Variants in USP13 observed in about 807,000 individuals in gnomAD.
USP13 encodes the protein ubiquitin carboxyl-terminal hydrolase 13.
USP13 carries 68 observed loss-of-function variants against 107.8 expected under a neutral mutation model. That is an observed-to-expected ratio of 0.63 (90% confidence interval 0.52 to 0.77). The LOEUF (loss-of-function observed/expected upper bound fraction) is 0.77. Ranked by LOEUF, USP13 falls within the 30% of genes least tolerant of loss-of-function variation. The probability of loss-of-function intolerance (pLI) is 0.00; values close to 1 mark genes in which losing one functional copy is unlikely to be tolerated. For missense variants in USP13, 945 were observed against 1,093.3 expected (o/e 0.86, Z 1.91); for synonymous variants, 377 against 389.5 (o/e 0.97, Z 0.38).
At chr3:179,656,751 A>G (rs995018573) in intron 1 of USP13, among the ~76,000 whole-genome samples, 2 of 152,112 alleles carry the variant, frequency 1.3e-5, no homozygotes, top group Non-Finnish European at 2.9e-5. Flanking sequence ...CCCCATAAGC[A>G]TTCCTGTCTA....
At chr3:179,755,084 G>A (rs1714742923) in intron 15 of USP13, among the ~76,000 whole-genome samples, 1 of 151,564 alleles carries the variant, frequency 6.6e-6, no homozygotes, top group Non-Finnish European at 1.5e-5. Flanking sequence ...GAAATGGACA[G>A]TTTTTTTTTG....
At chr3:179,771,325 C>G (rs111493853) in intron 19 of USP13, among the ~76,000 whole-genome samples, 8 of 152,312 alleles carry the variant, frequency 5.3e-5, no homozygotes, top group African/African-American at 1.9e-4. Flanking sequence ...CTGTCCTACT[C>G]CAAGTCACTG....
chr3:179,763,485 T>G (rs1376211146), intron 17 of USP13, among the ~76,000 whole-genome samples: 1 of 152,234 alleles, frequency 6.6e-6, no homozygotes, highest in East Asian at 1.9e-4. Flanking sequence ...CTTTCCCCAC[T>G]GAATGGTCTT....
At chr3:179,709,868 T>C (rs966152754) in intron 6 of USP13, among the ~76,000 whole-genome samples, 2 of 152,218 alleles carry the variant, frequency 1.3e-5, no homozygotes, top group African/African-American at 4.8e-5. Context: ...TTCTCTTTTT[T>C]CTCTGTTATT....
rs373170651 is a variant in USP13, at chr3:179,764,014, C to T, written c.2105C>T (p.Pro702Leu). The T allele has an allele frequency of 1.1e-5, 17 of 1,612,002 alleles. No individual in the cohort carries two copies. Among genetic ancestry groups the T allele is most frequent in the African/African-American group, 5.4e-5 (4 of 74,580 alleles). Reference sequence around the variant, plus strand: ...TTATTTTTCTCAGATTTTGCTGAGCCGCTGACCATGCCTGGTTATGGAGGG... The same window carrying T: ...TTATTTTTCTCAGATTTTGCTGAGCTGCTGACCATGCCTGGTTATGGAGGG... ...VHMEEPDFAE[P>L]LTMPGYGGAA... Residue 702 changes from proline to leucine, a missense_variant, in exon 18 of 21, where the codon CCG becomes CTG. Physicochemically the swap from Pro to Leu is moderately conservative, Grantham distance 98 (BLOSUM62 -3). Transcript: ENST00000263966.
chr3:179,784,363 G>A lies in USP13; in HGVS notation c.*222G>A. ...TATATTGTAGATAGTTTTTATAAAT[G>A]TTCAAAAAGATGATGATATTTAAAA... On this transcript the variant is annotated 3_prime_UTR_variant, in exon 21 of 21. Coordinates refer to ENST00000263966, the MANE Select transcript of USP13 (RefSeq NM_003940.3). 2 of 401,666 alleles carry A rather than the reference G, an allele frequency of 5.0e-6. No individual in the cohort carries two copies. Among genetic ancestry groups the A allele is most frequent in the East Asian group, 7.8e-5 (2 of 25,746 alleles). 24.9% of individuals were successfully genotyped at this position (401,666 alleles called of 1,614,324 possible). A position where few individuals can be genotyped will look rare whatever the true frequency, so the allele number is the denominator to read the frequency against.
chr3:179,659,592 C>G (rs949897528), intron 1 of USP13, among the ~76,000 whole-genome samples: 1 of 152,086 alleles, frequency 6.6e-6, no homozygotes, highest in African/African-American at 2.4e-5. Context: ...TATTATTATA[C>G]CTACATGAAC....
At chr3:179,756,971 C>T (rs1714827430) in intron 15 of USP13, 81 bp from the exon 16 acceptor site, 5 of 1,507,028 alleles carry the variant, frequency 3.3e-6, no homozygotes, top group Admixed American at 1.7e-5. Context: ...TTGGAAATGC[C>T]CTGGATCAAT....
Position 179,781,749 on chromosome 3 carries a change from A to G in USP13, c.2424A>G (p.Leu808=), listed in dbSNP as rs1435625911. 13 of 1,613,962 alleles carry G rather than the reference A, an allele frequency of 8.1e-6. No homozygotes were observed. The highest frequency in any genetic ancestry group is 2.2e-5 in the East Asian group (1 of 44,870). Residue 808 remains leucine (L), a synonymous_variant, in exon 20 of 21, where the codon CTA becomes CTG. Coordinates refer to ENST00000263966, the MANE Select transcript of USP13 (RefSeq NM_003940.3). Reference sequence around the variant, plus strand: ...TTTCCTCTTTCACAGCATATGAGCTATTTGCATTCATCAGTCACATGGGAA... The same window carrying G: ...TTTCCTCTTTCACAGCATATGAGCTGTTTGCATTCATCAGTCACATGGGAA... The part of the protein sequence containing the change: ...RVKDGSGTYE[L]FAFISHMGTS...
chr3:179,696,656 GC>G (rs1712338969), intron 3 of USP13, among the ~76,000 whole-genome samples: 1 of 152,080 alleles, frequency 6.6e-6, no homozygotes, highest in African/African-American at 2.4e-5. Context: ...GCTTAGGGTT[GC>G]TGTGAAAAAA....
chr3:179,767,121 A>G (rs919626001), intron 19 of USP13, among the ~76,000 whole-genome samples: 1 of 152,170 alleles, frequency 6.6e-6, no homozygotes, highest in African/African-American at 2.4e-5. Flanking sequence ...CACAGATTCC[A>G]TTTCTCTGGA....
intron 11 of USP13, among the ~76,000 whole-genome samples, chr3:179,741,089 T>G (rs1466632585): frequency 2.0e-5 from 3 of 152,146 alleles, no homozygotes; most frequent in East Asian, 1.9e-4. Context: ...AGCCTTTTTT[T>G]TTTTTCCTGG....
At position 179,771,474 on chromosome 3, in the gene USP13, T is replaced by A. The variant is rs1167173323; in HGVS notation, c.2413+5626T>A. On this transcript the variant is annotated intron_variant, in intron 19 of 20. Transcript: ENST00000263966. The stretch of plus-strand genomic sequence containing the variant: ...CTGGTTCAAGTGTGGTTCGGACTAA[T>A]AGAATCACCTGAGAACTTGTTAGGA... 2.0e-5 allele frequency among the ~76,000 whole-genome samples: 3 copies of A among 152,222 alleles called. No individual in the cohort carries two copies. In the East Asian group the frequency reaches 5.8e-4, roughly 29 times the overall value.
At position 179,721,652 on chromosome 3, in the gene USP13, A is replaced by G. The variant is rs529130621; in HGVS notation, c.1088+63A>G. ...TCCCTGCCCCATCTAGGTCCAGTCC[A>G]CTCAGTGTGCGCTGCGAAGCCCATC... On this transcript the variant is annotated intron_variant, in intron 8 of 20. Coordinates refer to ENST00000263966, the MANE Select transcript of USP13 (RefSeq NM_003940.3). This position sits in a 1 kb window ranked among gnomAD's most constrained non-coding sequence, Gnocchi z 4.3. 2.3e-5 allele frequency: 36 copies of G among 1,546,622 alleles called. 1 individual carries two copies. In the South Asian group the frequency reaches 4.2e-4, roughly 18 times the overall value.
chr3:179,715,369 T>TTC (rs1392035933), intron 6 of USP13, among the ~76,000 whole-genome samples: 10 of 147,710 alleles, frequency 6.8e-5, no homozygotes, highest in East Asian at 3.9e-4. Flanking sequence ...TTTTCTTTCT[T>TTC]TTTTTTTTTT....
At chr3:179,738,078 G>A (rs890917738) in intron 10 of USP13, among the ~76,000 whole-genome samples, 3 of 152,126 alleles carry the variant, frequency 2.0e-5, no homozygotes, top group African/African-American at 4.8e-5. Context: ...ACGTGTCATC[G>A]TCCCCAGACT....
intron 3 of USP13, among the ~76,000 whole-genome samples, chr3:179,699,746 A>T (rs115722285): frequency 0.044 from 4,966 of 113,300 alleles, 120 homozygotes; most frequent in South Asian, 0.091. Flanking sequence ...TATCTTATTT[A>T]TTTTATTTAT....
chr3:179,711,081 A>G (rs1336104699), intron 6 of USP13, among the ~76,000 whole-genome samples: 1 of 152,186 alleles, frequency 6.6e-6, no homozygotes. Context: ...TTATGAAAAC[A>G]TTGTCCTTTT....
At position 179,754,771 on chromosome 3, in the gene USP13, A is replaced by G. The variant is rs780228003; in HGVS notation, c.1838A>G (p.His613Arg). 18 of 1,613,468 alleles carry G rather than the reference A, an allele frequency of 1.1e-5. No individual in the cohort carries two copies. In the Admixed American group the frequency reaches 1.3e-4, roughly 12 times the overall value. Residue 613 changes from histidine (H) to arginine (R), a missense_variant, in exon 15 of 21, where the codon CAT (histidine) becomes CGT (arginine). By Grantham distance (29) the His-to-Arg change is conservative (BLOSUM62 0). Coordinates refer to ENST00000263966, the MANE Select transcript of USP13 (RefSeq NM_003940.3). The part of the protein sequence containing the change: ...IDMPDLLDIN[H>R]LRARGLQPGE... ...ATGCCAGACCTACTTGATATCAACCATCTCCGAGCCAGGGGGTTACAGCCA... is the reference window on the plus strand; with the variant it reads ...ATGCCAGACCTACTTGATATCAACCGTCTCCGAGCCAGGGGGTTACAGCCA...
Sources: gnomAD v4.1 joint callset for allele counts (sites outside exome capture counted in the v4.1 genomes callset) on GRCh38, gnomAD v4.1.1 for gene constraint, Gnocchi (gnomAD v3.1) non-coding constraint, MANE v1.5 for transcripts, NCBI Gene and HGNC (gene_info 2026-07-23, HGNC 2026-07-21) for gene names.